GNAQ: variants seen among roughly 807,000 people sequenced by gnomAD.
The protein encoded by GNAQ is guanine nucleotide-binding protein G(q) subunit alpha.
Under a neutral mutation model 43.9 loss-of-function variants are expected in GNAQ, and 8 were observed. That is an observed-to-expected ratio of 0.18 (90% CI 0.11 to 0.33). The LOEUF is 0.33. Ranked by LOEUF, GNAQ falls within the 10% of genes least tolerant of loss-of-function variation. The pLI is 1.00. For missense variants in GNAQ, 158 were observed against 450.8 expected (o/e 0.35, Z 5.88); for synonymous variants, 155 against 170.7 (o/e 0.91, Z 0.71).
chr9:77,950,115 G>T (rs1822957147), intron 1 of GNAQ, among the ~76,000 whole-genome samples: 1 of 152,070 alleles, frequency 6.6e-6, no homozygotes, highest in Non-Finnish European at 1.5e-5. Flanking sequence ...ATACTATAAT[G>T]TTCTTACCGG....
intron 1 of GNAQ, among the ~76,000 whole-genome samples, chr9:78,029,151 T>TGG (rs1490871551): frequency 6.6e-6 from 1 of 152,084 alleles, no homozygotes; most frequent in African/African-American, 2.4e-5. Flanking sequence ...CTAGGCCCAC[T>TGG]GAGAAACTCC....
At chr9:77,876,747 A>G (rs930462559) in intron 2 of GNAQ, among the ~76,000 whole-genome samples, 3 of 152,222 alleles carry the variant, frequency 2.0e-5, no homozygotes, top group Non-Finnish European at 4.4e-5. Context: ...ACAAAAGAAG[A>G]AGGCGGGACT....
intron 5 of GNAQ, among the ~76,000 whole-genome samples, chr9:77,763,137 CAAACAAA>C (rs753530425): frequency 7.9e-6 from 1 of 126,422 alleles, no homozygotes; most frequent in Non-Finnish European, 1.6e-5. Context: ...AACAAACAAA[CAAACAAA>C]AAAAAAAAAA....
chr9:77,756,371 G>C (rs1296545607), intron 5 of GNAQ, among the ~76,000 whole-genome samples: 2 of 152,246 alleles, frequency 1.3e-5, no homozygotes, highest in Non-Finnish European at 2.9e-5. Flanking sequence ...CTGACTGAAA[G>C]TCTGGTCTGC....
At chr9:78,011,954 C>A (rs1255631301) in intron 1 of GNAQ, among the ~76,000 whole-genome samples, 4 of 152,150 alleles carry the variant, frequency 2.6e-5, no homozygotes, top group African/African-American at 9.7e-5. Context: ...GGAGTGGGTT[C>A]AGTGCTTCAA....
At chr9:77,779,888 A>G (rs532542316) in intron 5 of GNAQ, among the ~76,000 whole-genome samples, 2 of 152,074 alleles carry the variant, frequency 1.3e-5, no homozygotes, top group South Asian at 4.1e-4. Context: ...GACAATCTGA[A>G]TAGGCCTATA....
intron 2 of GNAQ, among the ~76,000 whole-genome samples, chr9:77,862,109 G>T (rs1046100002): frequency 6.6e-6 from 1 of 151,570 alleles, no homozygotes; most frequent in African/African-American, 2.4e-5. Flanking sequence ...TCTCCTGGCT[G>T]CTTTCACAGG....
chr9:77,901,531 T>C (rs1197041186), intron 2 of GNAQ, among the ~76,000 whole-genome samples: 1 of 152,142 alleles, frequency 6.6e-6, no homozygotes, highest in Non-Finnish European at 1.5e-5. Flanking sequence ...TGCCTCTTCC[T>C]CCTTAGGCCG....
At chr9:77,745,747 A>C (rs1265267649) in intron 5 of GNAQ, among the ~76,000 whole-genome samples, 1 of 151,766 alleles carries the variant, frequency 6.6e-6, no homozygotes, top group Non-Finnish European at 1.5e-5. Flanking sequence ...TATTTAAAAA[A>C]TTTCAGAAAA....
At chr9:77,773,962 A>G (rs1400569686) in intron 5 of GNAQ, among the ~76,000 whole-genome samples, 2 of 152,116 alleles carry the variant, frequency 1.3e-5, no homozygotes. Flanking sequence ...TATAAAATGT[A>G]GGTTCCCTGC....
intron 5 of GNAQ, among the ~76,000 whole-genome samples, chr9:77,765,843 G>C (rs936187051): frequency 6.6e-6 from 1 of 152,214 alleles, no homozygotes; most frequent in African/African-American, 2.4e-5. Flanking sequence ...GTGTCCATTG[G>C]TGGATGACTG....
chr9:77,759,529 C>G (rs559486022), intron 5 of GNAQ, among the ~76,000 whole-genome samples: 8 of 152,262 alleles, frequency 5.3e-5, no homozygotes, highest in Admixed American at 1.3e-4. Flanking sequence ...TTTCCTTCAT[C>G]AACAACTACA....
At chr9:77,894,731 G>GT (rs1048055782) in intron 2 of GNAQ, among the ~76,000 whole-genome samples, 8 of 151,622 alleles carry the variant, frequency 5.3e-5, no homozygotes, top group Non-Finnish European at 1.0e-4. Context: ...TTAATGGAAT[G>GT]TTTTTTAAGG....
intron 5 of GNAQ, among the ~76,000 whole-genome samples, chr9:77,738,113 GGTGGT>G (rs1825600180): frequency 6.6e-6 from 1 of 152,120 alleles, no homozygotes; most frequent in African/African-American, 2.4e-5. Context: ...CAGAGGACGT[GGTGGT>G]GTGGTCATTT....
chr9:77,856,309 G>A (rs1042374926), intron 2 of GNAQ, among the ~76,000 whole-genome samples: 2 of 152,106 alleles, frequency 1.3e-5, no homozygotes, highest in African/African-American at 4.8e-5. Flanking sequence ...CCCCAGAGCA[G>A]GGGAGATGAA....
At chr9:77,918,395 CAAT>C (rs1393515802) in intron 2 of GNAQ, among the ~76,000 whole-genome samples, 2 of 152,018 alleles carry the variant, frequency 1.3e-5, no homozygotes, top group African/African-American at 4.8e-5. Flanking sequence ...TTTAGTGTCA[CAAT>C]AATATAAATC....
chr9:77,977,917 C>T (rs1823324116), intron 1 of GNAQ, among the ~76,000 whole-genome samples: 1 of 152,148 alleles, frequency 6.6e-6, no homozygotes, highest in South Asian at 2.1e-4. Flanking sequence ...GAAACCAGAA[C>T]CCTCCACCAG....
At chr9:77,762,410 A>C in intron 5 of GNAQ, among the ~76,000 whole-genome samples, 1 of 94,822 alleles carries the variant, frequency 1.1e-5, no homozygotes, top group African/African-American at 4.6e-5. Flanking sequence ...CAGCCACCCC[A>C]TCCGGGAGGG....
chr9:77,908,459 C>T, intron 2 of GNAQ, among the ~76,000 whole-genome samples: 1 of 152,238 alleles, frequency 6.6e-6, no homozygotes, highest in East Asian at 1.9e-4. Flanking sequence ...TGTGCACTTT[C>T]CCCAAACAGA....
Sources: gnomAD v4.1 joint callset for allele counts (sites outside exome capture counted in the v4.1 genomes callset) on GRCh38, gnomAD v4.1.1 for gene constraint, MANE v1.5 for transcripts, NCBI Gene and HGNC (gene_info 2026-07-23, HGNC 2026-07-21) for gene names.